ANO1: variants seen among roughly 807,000 people sequenced by gnomAD.
The protein encoded by ANO1 is anoctamin 1, also known as anoctamin-1.
ANO1 carries 59 observed loss-of-function variants against 124.0 expected under a neutral mutation model. The observed-to-expected ratio is 0.48, with a 90% CI of 0.39 to 0.59. The LOEUF (loss-of-function observed/expected upper bound fraction) is 0.59. Ranked by LOEUF, ANO1 falls within the 20% of genes least tolerant of loss-of-function variation. The pLI, the probability that ANO1 is intolerant of heterozygous loss-of-function variation, is 0.00. For missense variants in ANO1, 1,059 were observed against 1,328.0 expected, an observed-to-expected ratio of 0.80 and a Z score of 3.15; for synonymous variants, 529 against 532.0, an observed-to-expected ratio of 0.99 and a Z score of 0.08.
intron 1 of ANO1, among the ~76,000 whole-genome samples, chr11:70,080,278 C>A (rs1297597462): frequency 6.6e-6 from 1 of 152,176 alleles, no homozygotes; most frequent in African/African-American, 2.4e-5. Flanking sequence ...TCCAAGTCAC[C>A]CATCAGCTGG....
intron 6 of ANO1, 74 bp from the exon 7 acceptor site, chr11:70,111,633 G>A (rs567365382): frequency 6.9e-7 from 1 of 1,459,022 alleles, no homozygotes; most frequent in Non-Finnish European, 9.6e-7. Flanking sequence ...ATGGCCCTGT[G>A]ACCGCTGTGA....
intron 1 of ANO1, among the ~76,000 whole-genome samples, chr11:70,049,999 G>A (rs537503412): frequency 4.6e-5 from 7 of 152,324 alleles, no homozygotes; most frequent in African/African-American, 1.7e-4. Context: ...GATTACAGGC[G>A]TGAGCCATCA....
At chr11:70,077,906 AG>A (rs906816944), upstream of ANO1, among the ~76,000 whole-genome samples, 2 of 151,954 alleles carry the variant, frequency 1.3e-5, no homozygotes, top group African/African-American at 4.8e-5. Context: ...GGGCAGCTGG[AG>A]GGGGCGGGTC....
At chr11:70,168,005 G>A (rs1482616979) in intron 21 of ANO1, among the ~76,000 whole-genome samples, 5 of 152,204 alleles carry the variant, frequency 3.3e-5, no homozygotes, top group African/African-American at 1.2e-4. Context: ...GCACAGAGCA[G>A]GCGTCTCAAA....
At chr11:70,109,996 T>C (rs970663152) in intron 6 of ANO1, among the ~76,000 whole-genome samples, 1 of 152,122 alleles carries the variant, frequency 6.6e-6, no homozygotes, top group East Asian at 1.9e-4. Context: ...TGCCAAGTTG[T>C]GTCCCATAGT....
intron 11 of ANO1, among the ~76,000 whole-genome samples, chr11:70,136,449 C>CACGCCTGTAATCTCAGGAGACTAAGGCAG (rs1555036922): frequency 4.0e-5 from 6 of 148,788 alleles, no homozygotes; most frequent in African/African-American, 7.2e-5. Context: ...GCACCTCCCT[C>CACGCCTGTAATCTCAGGAGACTAAGGCAG]GCCTCACCCT....
At chr11:69,998,268 A>T (rs879997368) in intron 1 of ANO1, among the ~76,000 whole-genome samples, 2 of 152,254 alleles carry the variant, frequency 1.3e-5, no homozygotes, top group Non-Finnish European at 2.9e-5. Context: ...CCCCATTAAG[A>T]TATAAAATAG....
At chr11:70,073,459 CA>C (rs1436357930), upstream of ANO1, among the ~76,000 whole-genome samples, 3 of 152,164 alleles carry the variant, frequency 2.0e-5, no homozygotes, top group Non-Finnish European at 4.4e-5. Context: ...GGTGCTGGCT[CA>C]TAGTAAGCGC....
At chr11:70,168,008 G>A (rs377193604) in intron 21 of ANO1, among the ~76,000 whole-genome samples, 13 of 152,144 alleles carry the variant, frequency 8.5e-5, no homozygotes, top group African/African-American at 1.7e-4. Context: ...CAGAGCAGGC[G>A]TCTCAAAGGA....
intron 1 of ANO1, among the ~76,000 whole-genome samples, chr11:69,995,047 G>A (rs1856233294): frequency 6.6e-6 from 1 of 150,824 alleles, no homozygotes; most frequent in East Asian, 1.9e-4. Context: ...AACATTTTAT[G>A]TTAGTGTGGT....
intron 1 of ANO1, among the ~76,000 whole-genome samples, chr11:69,996,669 A>C (rs982018788): frequency 6.6e-6 from 1 of 152,186 alleles, no homozygotes; most frequent in African/African-American, 2.4e-5. Flanking sequence ...GATATTCCTC[A>C]GGTCACACAG....
At chr11:70,106,458 A>G (rs2045551323) in intron 5 of ANO1, among the ~76,000 whole-genome samples, 1 of 152,144 alleles carries the variant, frequency 6.6e-6, no homozygotes, top group South Asian at 2.1e-4. Flanking sequence ...GAGGGCTGGG[A>G]GGAGACAGTC....
At chr11:70,064,293 C>T (rs1857666153) in intron 1 of ANO1, 1 of 152,300 alleles carries the variant, frequency 6.6e-6, no homozygotes, top group African/African-American at 2.4e-5. Flanking sequence ...CTCCCCCTCA[C>T]CCTCCTGGTG....
intron 1 of ANO1, among the ~76,000 whole-genome samples, chr11:70,030,897 T>A (rs1201314095): frequency 6.6e-6 from 1 of 152,094 alleles, no homozygotes; most frequent in Admixed American, 6.5e-5. Flanking sequence ...ATTGACAAAC[T>A]GTGGTTTTAT....
At chr11:70,101,783 C>T (rs1034882413) in intron 2 of ANO1, among the ~76,000 whole-genome samples, 1 of 152,118 alleles carries the variant, frequency 6.6e-6, no homozygotes, top group African/African-American at 2.4e-5. Context: ...GCTCTTCCTC[C>T]CGTCTGCCTT....
intron 23 of ANO1, among the ~76,000 whole-genome samples, chr11:70,181,990 G>T (rs561194595): frequency 6.6e-6 from 1 of 152,014 alleles, no homozygotes; most frequent in South Asian, 2.1e-4. Context: ...AGAGGCAGCC[G>T]TTGGGCCTTG....
At chr11:70,158,253 G>A (rs975671280) in intron 16 of ANO1, among the ~76,000 whole-genome samples, 10 of 152,314 alleles carry the variant, frequency 6.6e-5, no homozygotes, top group Admixed American at 2.6e-4. Context: ...GGCCTTGGCC[G>A]CCTGCTAGCT....
chr11:70,035,083 GC>G (rs1449336221), intron 1 of ANO1, among the ~76,000 whole-genome samples: 1 of 152,076 alleles, frequency 6.6e-6, no homozygotes, highest in East Asian at 1.9e-4. Flanking sequence ...TGGTACCACA[GC>G]CCCTCTTGGC....
chr11:69,980,018 A>G, the ANO1 span, among the ~76,000 whole-genome samples: 1 of 152,122 alleles, frequency 6.6e-6, no homozygotes, highest in Non-Finnish European at 1.5e-5. Context: ...ACTTCCGTTC[A>G]TGGCCAGTGC....
Sources: allele counts gnomAD v4.1 joint callset (sites outside exome capture counted in the v4.1 genomes callset), GRCh38; gene constraint gnomAD v4.1.1; transcripts MANE v1.5; gene names NCBI Gene and HGNC (gene_info 2026-07-23, HGNC 2026-07-21).